Variants in MTDH observed in about 807,000 individuals in gnomAD.
MTDH encodes the protein metadherin.
Under a neutral mutation model 72.7 loss-of-function variants are expected in MTDH, and 34 were observed. The observed-to-expected ratio is 0.47, with a 90% CI of 0.36 to 0.62. The LOEUF (loss-of-function observed/expected upper bound fraction) is 0.62, where lower values mean the gene tolerates loss of function less well. MTDH is among the 20% of genes least tolerant of loss of function. The pLI is 0.00. For missense variants in MTDH, 677 were observed against 699.4 expected, an observed-to-expected ratio of 0.97 and a Z score of 0.36; for synonymous variants, 266 against 268.9, an observed-to-expected ratio of 0.99 and a Z score of 0.10.
chr8:97,718,448 A>G (rs1312116256), intron 9 of MTDH, among the ~76,000 whole-genome samples: 1 of 152,092 alleles, frequency 6.6e-6, no homozygotes, highest in African/African-American at 2.4e-5. Flanking sequence ...TAACTTATGT[A>G]TAAACATTTT....
rs62521675 is a variant in MTDH at position 97,660,500 on chromosome 8, T to C, written c.382-572T>C. Among the ~76,000 whole-genome samples, 1,092 of 152,318 alleles carry C rather than the reference T, an allele frequency of 7.2e-3. 4 individuals carry two copies. Among genetic ancestry groups the C allele is most frequent in the Middle Eastern group, 0.068 (20 of 294 alleles). On this transcript the variant is annotated intron_variant, in intron 1 of 11. Coordinates refer to ENST00000336273, the MANE Select transcript of MTDH (RefSeq NM_178812.4). ...AAAATAAAAATAAAGAACAAAGATA[T>C]ATGGCCCATAAAACCTAAAATAGTT... is the stretch of plus-strand genomic sequence containing the variant.
chr8:97,719,255 G>A (rs1815008853), intron 10 of MTDH, 66 bp downstream of exon 10: 1 of 1,541,318 alleles, frequency 6.5e-7, no homozygotes, highest in African/African-American at 1.4e-5. Flanking sequence ...AGCACTTTGA[G>A]AGGCCAAGGT....
chr8:97,696,819 A>G (rs995701784), intron 6 of MTDH, among the ~76,000 whole-genome samples: 1 of 151,974 alleles, frequency 6.6e-6, no homozygotes, highest in Non-Finnish European at 1.5e-5. Context: ...TTTAACAAAT[A>G]TTACATAAAT....
At chr8:97,693,041 G>A (rs575949603) in intron 6 of MTDH, among the ~76,000 whole-genome samples, 42 of 151,810 alleles carry the variant, frequency 2.8e-4, no homozygotes, top group African/African-American at 8.0e-4. Context: ...CATGTTTTGC[G>A]GTTATTTCTT....
intron 2 of MTDH, among the ~76,000 whole-genome samples, chr8:97,665,430 A>T (rs1400115569): frequency 6.6e-6 from 1 of 152,198 alleles, no homozygotes; most frequent in African/African-American, 2.4e-5. Context: ...TAGATGCTAA[A>T]GATAATAAAA....
rs1245895519 is a variant in MTDH at position 97,725,000 on chromosome 8, TA to T, written c.*333del. 1 of 169,642 alleles carries T rather than the reference TA, an allele frequency of 5.9e-6. No individual in the cohort carries two copies. The highest frequency in any genetic ancestry group is 2.4e-5 in the African/African-American group (1 of 41,948). 10.5% of individuals were successfully genotyped at this position (169,642 alleles called of 1,614,324 possible). A position where few individuals can be genotyped will look rare whatever the true frequency, so the allele number is the denominator to read the frequency against. ...CCCTATCTCATCTGCAGCCGAGGAA[TA>T]AAGGATTCTGATTAGAAAGAGGGTT... is the stretch of plus-strand genomic sequence containing the variant. On this transcript the variant is annotated 3_prime_UTR_variant, in exon 12 of 12. Coordinates refer to ENST00000336273, the MANE Select transcript of MTDH (RefSeq NM_178812.4).
chr8:97,645,506 TTACCTAA>T (rs1259003379), intron 1 of MTDH, among the ~76,000 whole-genome samples: 1 of 152,218 alleles, frequency 6.6e-6, no homozygotes, highest in Non-Finnish European at 1.5e-5. Context: ...AGGGGGTCGG[TTACCTAA>T]TACGCTTTGA....
chr8:97,718,322 C>T (rs901075640), intron 9 of MTDH, among the ~76,000 whole-genome samples: 14 of 152,318 alleles, frequency 9.2e-5, no homozygotes, highest in African/African-American at 3.1e-4. Flanking sequence ...GGATTACAGG[C>T]GTGAGCCACT....
chr8:97,702,322 G>T (rs1178027201), intron 7 of MTDH, among the ~76,000 whole-genome samples: 1 of 152,170 alleles, frequency 6.6e-6, no homozygotes, highest in African/African-American at 2.4e-5. Flanking sequence ...GAGCTTTCAG[G>T]ACAGACTACC....
At chr8:97,713,883 AT>A (rs1814738123) in intron 9 of MTDH, 114 bp downstream of exon 9, 2 of 497,404 alleles carry the variant, frequency 4.0e-6, no homozygotes, top group Non-Finnish European at 6.8e-6. Context: ...GACATCATTT[AT>A]TTGAAAAATC....
At chr8:97,688,135 T>G (rs1283054487) in intron 4 of MTDH, among the ~76,000 whole-genome samples, 2 of 152,296 alleles carry the variant, frequency 1.3e-5, no homozygotes, top group East Asian at 3.9e-4. Flanking sequence ...TATTAATATT[T>G]CAGATGTTCA....
At chr8:97,723,449 A>C (rs944931995) in intron 11 of MTDH, among the ~76,000 whole-genome samples, 1 of 150,122 alleles carries the variant, frequency 6.7e-6, no homozygotes, top group African/African-American at 2.5e-5. Context: ...CTTCCTTTGA[A>C]AATGCTAAAT....
intron 8 of MTDH, among the ~76,000 whole-genome samples, chr8:97,713,453 G>A (rs971347248): frequency 6.6e-6 from 1 of 152,144 alleles, no homozygotes; most frequent in African/African-American, 2.4e-5. Flanking sequence ...GATGGATGAC[G>A]TAGACACACT....
At chr8:97,689,185 A>G (rs1053723572) in intron 5 of MTDH, 82 bp downstream of exon 5, 24 of 693,140 alleles carry the variant, frequency 3.5e-5, no homozygotes, top group African/African-American at 2.9e-4. Context: ...CAAATGAATG[A>G]CACAGAAGGA....
At chr8:97,678,527 C>T (rs1314033402) in intron 2 of MTDH, among the ~76,000 whole-genome samples, 1 of 150,864 alleles carries the variant, frequency 6.6e-6, no homozygotes, top group African/African-American at 2.4e-5. Flanking sequence ...CTTTTAAAAG[C>T]GAGTCATACA....
At chr8:97,717,707 A>T (rs1814931372) in intron 9 of MTDH, among the ~76,000 whole-genome samples, 1 of 151,096 alleles carries the variant, frequency 6.6e-6, no homozygotes. Flanking sequence ...CAGTTGAGGA[A>T]ACAGGCTTAG....
chr8:97,722,052 T>G (rs1001806011), intron 10 of MTDH, among the ~76,000 whole-genome samples: 3 of 152,174 alleles, frequency 2.0e-5, no homozygotes, highest in Admixed American at 2.0e-4. Context: ...TCACAAAAAT[T>G]TTTGAAGCGT....
intron 7 of MTDH, among the ~76,000 whole-genome samples, chr8:97,704,479 A>G (rs1204473173): frequency 6.6e-6 from 1 of 152,168 alleles, no homozygotes; most frequent in East Asian, 1.9e-4. Context: ...ATGGTGGCAC[A>G]TGGCTGTGGT....
At chr8:97,706,001 G>A (rs935370241) in intron 7 of MTDH, among the ~76,000 whole-genome samples, 2 of 152,188 alleles carry the variant, frequency 1.3e-5, no homozygotes, top group African/African-American at 4.8e-5. Context: ...GATGATTGAA[G>A]CCCTGAAAGT....
Sources: gnomAD v4.1 joint callset for allele counts (sites outside exome capture counted in the v4.1 genomes callset) on GRCh38, gnomAD v4.1.1 for gene constraint, MANE v1.5 for transcripts, NCBI Gene and HGNC (gene_info 2026-07-23, HGNC 2026-07-21) for gene names.